CPA6: variants seen among roughly 807,000 people sequenced by gnomAD.
CPA6 encodes the protein carboxypeptidase B.
CPA6 carries 58 observed loss-of-function variants against 63.3 expected under a neutral mutation model. That is an observed-to-expected ratio of 0.92 (90% CI 0.74 to 1.14). The LOEUF is 1.14. CPA6 is among the 50% of genes most tolerant of loss of function. The pLI, the probability that CPA6 is intolerant of heterozygous loss-of-function variation, is 0.00. For synonymous variants in CPA6, 185 were observed against 179.0 expected, an observed-to-expected ratio of 1.03 and a Z score of -0.27; for missense variants, 565 against 526.6, an observed-to-expected ratio of 1.07 and a Z score of -0.71.
At chr8:67,449,301 C>T (rs561297369) in intron 8 of CPA6, among the ~76,000 whole-genome samples, 14 of 152,164 alleles carry the variant, frequency 9.2e-5, no homozygotes, top group Non-Finnish European at 2.1e-4. Context: ...ATTGGACTCT[C>T]TGTTCTGTTC....
At chr8:67,423,305 G>A (rs988375083) in intron 10 of CPA6, among the ~76,000 whole-genome samples, 1 of 152,250 alleles carries the variant, frequency 6.6e-6, no homozygotes, top group East Asian at 1.9e-4. Context: ...CGTTGGCCTT[G>A]AACTCCTGGG....
At chr8:67,449,735 T>C (rs1199572024) in intron 8 of CPA6, among the ~76,000 whole-genome samples, 1 of 151,900 alleles carries the variant, frequency 6.6e-6, no homozygotes, top group East Asian at 1.9e-4. Flanking sequence ...AATGTTCCTC[T>C]CATGTTCTCC....
chr8:67,714,509 CCAAT>C (rs961085586), intron 1 of CPA6, among the ~76,000 whole-genome samples: 3 of 152,094 alleles, frequency 2.0e-5, no homozygotes, highest in African/African-American at 7.2e-5. Context: ...TTGCTTGAGC[CCAAT>C]CATAGGGAGA....
intron 1 of CPA6, among the ~76,000 whole-genome samples, chr8:67,734,094 T>TGGTGCAATCATGG (rs1224171974): frequency 2.5e-4 from 38 of 150,794 alleles, no homozygotes; most frequent in African/African-American, 9.3e-4. Context: ...CCAGGCTGGG[T>TGGTGCAATCATGG]CTCCAACTCC....
At chr8:67,594,122 T>G (rs1814220432) in intron 2 of CPA6, among the ~76,000 whole-genome samples, 1 of 152,202 alleles carries the variant, frequency 6.6e-6, no homozygotes, top group South Asian at 2.1e-4. Flanking sequence ...GTAAAGGATT[T>G]CATTTCTCCT....
chr8:67,590,286 T>C (rs1419808187), intron 2 of CPA6, among the ~76,000 whole-genome samples: 1 of 151,434 alleles, frequency 6.6e-6, no homozygotes, highest in African/African-American at 2.4e-5. Context: ...ATCCAGTCTA[T>C]CATTGTTGGA....
intron 8 of CPA6, among the ~76,000 whole-genome samples, chr8:67,450,787 A>C (rs1051314632): frequency 7.9e-5 from 12 of 152,246 alleles, no homozygotes; most frequent in African/African-American, 2.9e-4. Flanking sequence ...ACCAACACCA[A>C]CTTTCTTTAG....
chr8:67,513,637 A>G (rs1473891169), intron 3 of CPA6, among the ~76,000 whole-genome samples: 1 of 152,108 alleles, frequency 6.6e-6, no homozygotes, highest in East Asian at 1.9e-4. Context: ...AGTAACTTAC[A>G]TTGCACCCAA....
intron 8 of CPA6, among the ~76,000 whole-genome samples, chr8:67,475,797 C>CTT (rs1430606640): frequency 1.2e-4 from 5 of 41,126 alleles, no homozygotes; most frequent in African/African-American, 8.9e-4. Context: ...TTCTTTCTTT[C>CTT]TTTCTTTCTT....
intron 8 of CPA6, among the ~76,000 whole-genome samples, chr8:67,479,524 CA>C (rs1036912877): frequency 3.9e-5 from 6 of 152,094 alleles, no homozygotes; most frequent in African/African-American, 1.4e-4. Context: ...CTTCAGAGGG[CA>C]AAGGGAGAGT....
At chr8:67,707,311 A>G (rs1375785544) in intron 1 of CPA6, among the ~76,000 whole-genome samples, 1 of 152,242 alleles carries the variant, frequency 6.6e-6, no homozygotes, top group East Asian at 1.9e-4. Context: ...GAAGACTGAC[A>G]TAATCCTTTC....
chr8:67,500,720 A>G (rs1384544770), intron 6 of CPA6, among the ~76,000 whole-genome samples: 1 of 151,332 alleles, frequency 6.6e-6, no homozygotes, highest in Non-Finnish European at 1.5e-5. Context: ...TTTTTTGTAT[A>G]TGGTATGAGA....
At position 67,449,118 on chromosome 8, in the gene CPA6, G is replaced by A. The variant is rs185298730; in HGVS notation, c.839-14878C>T. On this transcript the variant is annotated intron_variant, in intron 8 of 10. Transcript: ENST00000297770. ...AATACAAAAATTAGCCAGGTGTGGCGGTGCATGCTTGTAATACCAGCTACT... is the reference window on the plus strand; with the variant it reads ...AATACAAAAATTAGCCAGGTGTGGCAGTGCATGCTTGTAATACCAGCTACT... 1.4e-3 allele frequency among the ~76,000 whole-genome samples: 210 copies of A among 152,146 alleles called. 2 individuals are homozygous for A. Among genetic ancestry groups the A allele is most frequent in the African/African-American group, 4.8e-3 (198 of 41,478 alleles).
At chr8:67,506,472 TG>T (rs1389365038) in intron 6 of CPA6, among the ~76,000 whole-genome samples, 17 of 152,178 alleles carry the variant, frequency 1.1e-4, no homozygotes, top group Admixed American at 6.5e-5. Context: ...CACCACAGAT[TG>T]GGTTTTTAGC....
intron 2 of CPA6, among the ~76,000 whole-genome samples, chr8:67,614,845 C>G (rs1328930495): frequency 6.6e-6 from 1 of 152,142 alleles, no homozygotes; most frequent in East Asian, 1.9e-4. Context: ...TGGTTGACTT[C>G]CCAATTGGAT....
At chr8:67,628,833 C>G (rs1409309144) in intron 1 of CPA6, among the ~76,000 whole-genome samples, 1 of 152,120 alleles carries the variant, frequency 6.6e-6, no homozygotes, top group Non-Finnish European at 1.5e-5. Flanking sequence ...AAAAAATCAC[C>G]AGGCCGTGTG....
At chr8:67,495,679 G>A (rs1213251037) in intron 6 of CPA6, among the ~76,000 whole-genome samples, 1 of 151,822 alleles carries the variant, frequency 6.6e-6, no homozygotes, top group African/African-American at 2.4e-5. Flanking sequence ...CCTTATCAGT[G>A]TTTTCTTTTT....
intron 1 of CPA6, among the ~76,000 whole-genome samples, chr8:67,666,515 G>C (rs1351630612): frequency 6.6e-6 from 1 of 152,166 alleles, no homozygotes; most frequent in Non-Finnish European, 1.5e-5. Flanking sequence ...TACAGCCCTG[G>C]AACCCAAACA....
intron 6 of CPA6, among the ~76,000 whole-genome samples, chr8:67,494,672 G>A (rs1456856503): frequency 6.6e-6 from 1 of 152,116 alleles, no homozygotes; most frequent in East Asian, 1.9e-4. Flanking sequence ...ACAAAAAGAT[G>A]TAAAAATGAG....
Sources: allele counts gnomAD v4.1 joint callset (sites outside exome capture counted in the v4.1 genomes callset), GRCh38; gene constraint gnomAD v4.1.1; transcripts MANE v1.5; gene names NCBI Gene and HGNC (gene_info 2026-07-23, HGNC 2026-07-21).